The following SLC71A1 variants were observed in gnomAD, a reference collection of about 807,000 sequenced individuals.
SLC71A1 encodes the protein hippocampus abundant gene transcript 1.
At chr1:100,073,922 TTAAG>T in the SLC71A1 span, among the ~76,000 whole-genome samples, 2 of 152,230 alleles carry the variant, frequency 1.3e-5, no homozygotes, top group Non-Finnish European at 1.5e-5. Flanking sequence ...CACTTATATA[TTAAG>T]TATTTTGTTC....
chr1:100,068,723 C>T, the SLC71A1 span: 2 of 624,292 alleles, frequency 3.2e-6, no homozygotes, highest in Non-Finnish European at 5.6e-6. Flanking sequence ...TGGCTCACGC[C>T]TGTAATCTCA....
chr1:100,069,757 TGATG>T, the SLC71A1 span: 1 of 886,182 alleles, frequency 1.1e-6, no homozygotes. Flanking sequence ...CCTCATCTAG[TGATG>T]GTATCTTGGT....
the SLC71A1 span, chr1:100,081,937 T>C: frequency 4.2e-6 from 5 of 1,191,502 alleles, no homozygotes; most frequent in Non-Finnish European, 6.2e-6. Context: ...TACTAAAAGG[T>C]ATGTAGTTTC....
chr1:100,058,758 T>TG, the SLC71A1 span: 1 of 1,213,600 alleles, frequency 8.2e-7, no homozygotes, highest in Non-Finnish European at 1.2e-6. Context: ...TATATGTGTA[T>TG]ATATACATAC....
chr1:100,070,067 T>C, the SLC71A1 span, among the ~76,000 whole-genome samples: 1 of 152,178 alleles, frequency 6.6e-6, no homozygotes, highest in African/African-American at 2.4e-5. Context: ...TTGTAGAGTT[T>C]ACATTCTGGT....
At chr1:100,045,329 A>G in the SLC71A1 span, among the ~76,000 whole-genome samples, 2 of 151,894 alleles carry the variant, frequency 1.3e-5, no homozygotes, top group Non-Finnish European at 2.9e-5. Flanking sequence ...AGTGCTATTG[A>G]TTTGTGTCAT....
the SLC71A1 span, among the ~76,000 whole-genome samples, chr1:100,067,609 G>A: frequency 1.3e-5 from 2 of 152,182 alleles, no homozygotes; most frequent in Non-Finnish European, 2.9e-5. Flanking sequence ...TCAGGAGTTC[G>A]AGACTAGCCT....
chr1:100,079,885 AGT>A, the SLC71A1 span: 1 of 152,520 alleles, frequency 6.6e-6, no homozygotes, highest in African/African-American at 2.4e-5. Flanking sequence ...CAAAAAAAAA[AGT>A]GTGATTTTGG....
chr1:100,080,303 T>C, the SLC71A1 span: 1 of 503,520 alleles, frequency 2.0e-6, no homozygotes, highest in Non-Finnish European at 3.5e-6. Flanking sequence ...CATGTTTGCA[T>C]AGGACAGCTT....
At chr1:100,072,457 G>C in the SLC71A1 span, among the ~76,000 whole-genome samples, 1 of 152,022 alleles carries the variant, frequency 6.6e-6, no homozygotes, top group South Asian at 2.1e-4. Context: ...TAGTTTGTGA[G>C]CTCTAGCGGA....
the SLC71A1 span, among the ~76,000 whole-genome samples, chr1:100,046,223 T>TG: frequency 1.0e-5 from 1 of 100,418 alleles, no homozygotes; most frequent in Non-Finnish European, 2.0e-5. Flanking sequence ...TTTTTTTTTT[T>TG]TTTTTTTTTT....
the SLC71A1 span, among the ~76,000 whole-genome samples, chr1:100,041,393 C>A: frequency 6.6e-6 from 1 of 152,150 alleles, no homozygotes; most frequent in Admixed American, 6.5e-5. Context: ...TGGGTCTGTT[C>A]ACCCTGAAGT....
chr1:100,066,714 GCA>G, the SLC71A1 span, among the ~76,000 whole-genome samples: 8 of 152,134 alleles, frequency 5.3e-5, no homozygotes, highest in Non-Finnish European at 1.0e-4. Context: ...AATAGGCCGG[GCA>G]TGGTGGCTCA....
chr1:100,056,131 A>T, the SLC71A1 span, among the ~76,000 whole-genome samples: 1 of 152,196 alleles, frequency 6.6e-6, no homozygotes, highest in East Asian at 1.9e-4. Flanking sequence ...GATCTTATTT[A>T]TTCTATTTTT....
the SLC71A1 span, chr1:100,080,752 C>G: frequency 9.2e-7 from 1 of 1,083,024 alleles, no homozygotes; most frequent in Non-Finnish European, 1.3e-6. Flanking sequence ...ATGTGAGATT[C>G]TATTTGAGAT....
the SLC71A1 span, chr1:100,082,984 G>A: frequency 6.6e-6 from 1 of 152,446 alleles, no homozygotes; most frequent in African/African-American, 2.4e-5. Context: ...AAATTATATA[G>A]TAAAGCTGGT....
At chr1:100,063,300 CAAAA>C in the SLC71A1 span, among the ~76,000 whole-genome samples, 2 of 125,028 alleles carry the variant, frequency 1.6e-5, no homozygotes, top group Non-Finnish European at 3.3e-5. Flanking sequence ...CAAAACAAAA[CAAAA>C]AACACTGAAA....
chr1:100,066,833 C>CA, the SLC71A1 span, among the ~76,000 whole-genome samples: 2 of 151,752 alleles, frequency 1.3e-5, no homozygotes, highest in Admixed American at 6.6e-5. Context: ...ACTAAAAATA[C>CA]AAAAAATTAG....
At chr1:100,065,081 C>T in the SLC71A1 span, among the ~76,000 whole-genome samples, 9 of 151,966 alleles carry the variant, frequency 5.9e-5, no homozygotes, top group African/African-American at 2.2e-4. Context: ...ACCATGTTGC[C>T]CAGGATGGTC....
Sources: allele counts gnomAD v4.1 joint callset (sites outside exome capture counted in the v4.1 genomes callset), GRCh38; gene constraint gnomAD v4.1.1; transcripts MANE v1.5; gene names NCBI Gene and HGNC (gene_info 2026-07-23, HGNC 2026-07-21).